The following NOL4 variants were observed in gnomAD, a reference collection of about 807,000 sequenced individuals.
The protein encoded by NOL4 is nucleolar protein 4.
Under a neutral mutation model 75.9 loss-of-function variants are expected in NOL4, and 17 were observed. The ratio of observed to expected loss-of-function variants is 0.22; its 90% CI spans 0.15 to 0.34. The LOEUF is 0.34. Among genes scored for constraint, NOL4 ranks in the 10% least tolerant of loss-of-function variants. The probability of loss-of-function intolerance (pLI) is 1.00; values close to 1 mark genes in which losing one functional copy is unlikely to be tolerated. For synonymous variants in NOL4, 292 were observed against 289.9 expected, an observed-to-expected ratio of 1.01 and a Z score of -0.07; for missense variants, 614 against 793.5, an observed-to-expected ratio of 0.77 and a Z score of 2.72.
At chr18:34,147,260 T>C (rs879539994) in intron 1 of NOL4, among the ~76,000 whole-genome samples, 37 of 152,132 alleles carry the variant, frequency 2.4e-4, no homozygotes, top group Admixed American at 3.9e-4. Flanking sequence ...CTATGTTGAA[T>C]AGGAGTGGTG....
chr18:33,862,255 A>G (rs2063181695), intron 10 of NOL4, among the ~76,000 whole-genome samples: 2 of 152,126 alleles, frequency 1.3e-5, no homozygotes, highest in South Asian at 4.2e-4. Flanking sequence ...CTTACACCTT[A>G]TACAAAAATT....
intron 1 of NOL4, among the ~76,000 whole-genome samples, chr18:34,131,953 C>G (rs796291556): frequency 7.9e-5 from 12 of 152,282 alleles, no homozygotes; most frequent in African/African-American, 2.9e-4. Flanking sequence ...CAACTTACTA[C>G]AAAATGAGTG....
chr18:33,937,824 T>G (rs1011060202), intron 9 of NOL4, among the ~76,000 whole-genome samples: 9 of 152,144 alleles, frequency 5.9e-5, no homozygotes, highest in African/African-American at 2.2e-4. Context: ...AACTAGTGTT[T>G]ACAGTGCATA....
intron 4 of NOL4, among the ~76,000 whole-genome samples, chr18:34,103,795 T>C (rs1043546466): frequency 4.6e-5 from 7 of 152,006 alleles, no homozygotes; most frequent in Admixed American, 4.6e-4. Context: ...GATGGTCTAC[T>C]AAGGAAAATG....
intron 5 of NOL4, among the ~76,000 whole-genome samples, chr18:34,052,229 A>T (rs139960302): frequency 6.6e-6 from 1 of 152,128 alleles, no homozygotes; most frequent in East Asian, 1.9e-4. Context: ...ACAATGCTCA[A>T]AAATATTCCT....
chr18:34,018,389 A>G (rs964590924), intron 6 of NOL4, among the ~76,000 whole-genome samples: 2 of 151,964 alleles, frequency 1.3e-5, no homozygotes, highest in Non-Finnish European at 2.9e-5. Flanking sequence ...AAAACAACAC[A>G]CCCCCAGGCA....
intron 4 of NOL4, among the ~76,000 whole-genome samples, chr18:34,099,793 T>C (rs1458780302): frequency 1.3e-5 from 2 of 152,174 alleles, no homozygotes; most frequent in African/African-American, 4.8e-5. Context: ...AATCATACCC[T>C]TATATAACAC....
intron 5 of NOL4, chr18:34,023,507 G>A: frequency 2.2e-6 from 1 of 456,068 alleles, no homozygotes; most frequent in South Asian, 1.5e-5. Context: ...CTGTGGGTAT[G>A]GCCTTCAGGT....
intron 6 of NOL4, among the ~76,000 whole-genome samples, chr18:33,981,918 T>C (rs1380324456): frequency 1.3e-5 from 2 of 152,062 alleles, no homozygotes; most frequent in African/African-American, 2.4e-5. Context: ...AGGGAAGAAT[T>C]AGGAGTATTT....
intron 5 of NOL4, among the ~76,000 whole-genome samples, chr18:34,046,069 T>C (rs1243246901): frequency 6.6e-6 from 1 of 152,098 alleles, no homozygotes. Flanking sequence ...GTAAATTTCC[T>C]GTCTATTCCT....
At chr18:34,085,476 C>T (rs565957071) in intron 5 of NOL4, among the ~76,000 whole-genome samples, 4 of 152,286 alleles carry the variant, frequency 2.6e-5, no homozygotes, top group East Asian at 3.9e-4. Context: ...ATTAGACTCT[C>T]CAAAGCAAGC....
intron 6 of NOL4, among the ~76,000 whole-genome samples, chr18:33,965,476 G>A (rs750194008): frequency 6.6e-6 from 1 of 152,122 alleles, no homozygotes; most frequent in Non-Finnish European, 1.5e-5. Context: ...CTGGGCAACA[G>A]AGCAATACCT....
At chr18:34,059,870 C>T (rs767762911) in intron 5 of NOL4, among the ~76,000 whole-genome samples, 14 of 152,102 alleles carry the variant, frequency 9.2e-5, no homozygotes, top group African/African-American at 1.7e-4. Context: ...CTCTGACACC[C>T]GGAGAGAAAC....
intron 6 of NOL4, among the ~76,000 whole-genome samples, chr18:33,998,401 C>T (rs1358469955): frequency 6.6e-6 from 1 of 151,894 alleles, no homozygotes; most frequent in East Asian, 1.9e-4. Flanking sequence ...TCTTTTTCTC[C>T]ATGAATGCTC....
intron 4 of NOL4, 72 bp downstream of exon 4, chr18:34,103,975 A>T: frequency 1.0e-6 from 1 of 976,620 alleles, no homozygotes; most frequent in Non-Finnish European, 1.6e-6. Flanking sequence ...CATCATGCTT[A>T]ATATGATAGT....
At chr18:34,064,460 A>C (rs928350666) in intron 5 of NOL4, among the ~76,000 whole-genome samples, 1 of 151,912 alleles carries the variant, frequency 6.6e-6, no homozygotes, top group Non-Finnish European at 1.5e-5. Flanking sequence ...CTCCATTCAG[A>C]AGTTCGTCTG....
At chr18:33,960,065 C>T (rs139283567) in intron 6 of NOL4, among the ~76,000 whole-genome samples, 7 of 152,058 alleles carry the variant, frequency 4.6e-5, no homozygotes, top group Non-Finnish European at 8.8e-5. Flanking sequence ...CCTAAAACTG[C>T]TATTCCACCT....
At chr18:34,101,141 C>T (rs1054029383) in intron 4 of NOL4, among the ~76,000 whole-genome samples, 1 of 152,146 alleles carries the variant, frequency 6.6e-6, no homozygotes, top group African/African-American at 2.4e-5. Context: ...TTTCCTGAAA[C>T]ATCCATCAGA....
intron 5 of NOL4, among the ~76,000 whole-genome samples, chr18:34,070,385 G>C (rs2077463269): frequency 6.6e-6 from 1 of 152,190 alleles, no homozygotes; most frequent in Non-Finnish European, 1.5e-5. Flanking sequence ...TCTGACAAAT[G>C]AAAACGTGAT....
Sources: gnomAD v4.1 joint callset for allele counts (sites outside exome capture counted in the v4.1 genomes callset) on GRCh38, gnomAD v4.1.1 for gene constraint, MANE v1.5 for transcripts, NCBI Gene and HGNC (gene_info 2026-07-23, HGNC 2026-07-21) for gene names.